Variants in GRIN2A observed in about 807,000 individuals in gnomAD.
GRIN2A encodes glutamate ionotropic receptor NMDA type subunit 2A, also known as glutamate receptor ionotropic, NMDA 2A.
Under a neutral mutation model 113.4 loss-of-function variants are expected in GRIN2A, and 22 were observed. The ratio of observed to expected loss-of-function variants is 0.19; its 90% CI spans 0.14 to 0.28. GRIN2A has a LOEUF of 0.28. Among genes scored for constraint, GRIN2A ranks in the 10% least tolerant of loss-of-function variants. The pLI, the probability that GRIN2A is intolerant of heterozygous loss-of-function variation, is 1.00. For synonymous variants in GRIN2A, 827 were observed against 738.4 expected (o/e 1.12, Z -1.94); for missense variants, 1,502 against 1,887.0 (o/e 0.80, Z 3.78).
At chr16:9,783,737 A>G (rs1233703388) in intron 11 of GRIN2A, among the ~76,000 whole-genome samples, 1 of 152,240 alleles carries the variant, frequency 6.6e-6, no homozygotes, top group African/African-American at 2.4e-5. Flanking sequence ...ATGGCAACTG[A>G]TATGTGTACT....
chr16:9,887,517 A>C (rs983732486), intron 4 of GRIN2A, among the ~76,000 whole-genome samples: 11 of 152,328 alleles, frequency 7.2e-5, no homozygotes, highest in African/African-American at 2.6e-4. Context: ...ATGTTGTTGT[A>C]CATATTACTA....
intron 3 of GRIN2A, among the ~76,000 whole-genome samples, chr16:9,922,813 G>T (rs1365728983): frequency 6.6e-6 from 1 of 151,956 alleles, no homozygotes; most frequent in Non-Finnish European, 1.5e-5. Context: ...AGATCTTTCA[G>T]TTATTAGATT....
At chr16:10,108,939 T>C (rs1162518237) in intron 2 of GRIN2A, among the ~76,000 whole-genome samples, 1 of 150,278 alleles carries the variant, frequency 6.7e-6, no homozygotes, top group African/African-American at 2.5e-5. Context: ...ACATCCTTTC[T>C]GAGAAGACAT....
At chr16:9,816,568 T>G (rs952098718) in intron 10 of GRIN2A, among the ~76,000 whole-genome samples, 2 of 152,200 alleles carry the variant, frequency 1.3e-5, no homozygotes, top group African/African-American at 4.8e-5. Context: ...GGACGTTGTT[T>G]AATTTAAATC....
intron 10 of GRIN2A, among the ~76,000 whole-genome samples, chr16:9,813,098 A>G (rs749385236): frequency 1.3e-5 from 2 of 152,228 alleles, no homozygotes; most frequent in African/African-American, 2.4e-5. Context: ...CGTATCAGCA[A>G]CCTTTTCAAA....
At chr16:10,061,454 A>G (rs1330841339) in intron 2 of GRIN2A, among the ~76,000 whole-genome samples, 8 of 152,190 alleles carry the variant, frequency 5.3e-5, no homozygotes, top group African/African-American at 1.9e-4. Flanking sequence ...ATGAATAGAG[A>G]TTCCTGAGAT....
chr16:9,887,297 C>A (rs2043603865), intron 4 of GRIN2A, among the ~76,000 whole-genome samples: 1 of 152,136 alleles, frequency 6.6e-6, no homozygotes, highest in Non-Finnish European at 1.5e-5. Context: ...AAATAACTGC[C>A]ATCACTCCAG....
chr16:10,181,209 A>ACG (rs945598176), intron 1 of GRIN2A, among the ~76,000 whole-genome samples: 1 of 49,208 alleles, frequency 2.0e-5, no homozygotes, highest in African/African-American at 6.6e-5. Context: ...GCACACACAC[A>ACG]CGCACACACA....
At chr16:10,038,649 C>T (rs1167163117) in intron 2 of GRIN2A, among the ~76,000 whole-genome samples, 6 of 151,812 alleles carry the variant, frequency 4.0e-5, no homozygotes, top group African/African-American at 1.2e-4. Context: ...AGAGATCATC[C>T]TGGCTAACAT....
chr16:10,159,505 C>T (rs1223829104), intron 2 of GRIN2A, among the ~76,000 whole-genome samples: 4 of 152,078 alleles, frequency 2.6e-5, no homozygotes, highest in Non-Finnish European at 5.9e-5. Context: ...GGAGGGCTCT[C>T]GCCTGTACAG....
chr16:9,932,580 AC>A (rs1289077347), intron 3 of GRIN2A, among the ~76,000 whole-genome samples: 1 of 151,254 alleles, frequency 6.6e-6, no homozygotes, highest in Admixed American at 6.6e-5. Flanking sequence ...ATAGGGTTTT[AC>A]CATGTGTTGG....
At chr16:10,129,615 G>C (rs1348381013) in intron 2 of GRIN2A, among the ~76,000 whole-genome samples, 1 of 152,184 alleles carries the variant, frequency 6.6e-6, no homozygotes, top group Non-Finnish European at 1.5e-5. Context: ...AGGTGAGTGT[G>C]AGGAATGTTC....
chr16:10,072,349 A>G (rs566256330), intron 2 of GRIN2A, among the ~76,000 whole-genome samples: 5 of 152,328 alleles, frequency 3.3e-5, no homozygotes, highest in African/African-American at 1.2e-4. Flanking sequence ...AATCCAGCTG[A>G]CCTGTGTGGG....
intron 6 of GRIN2A, 46 bp downstream of exon 6, chr16:9,840,890 G>A (rs750271182): frequency 6.2e-7 from 1 of 1,607,832 alleles, no homozygotes; most frequent in South Asian, 1.1e-5. Context: ...GAGGACTGCA[G>A]GCCCTTTGTC....
At chr16:9,812,080 G>A (rs2042096898) in intron 10 of GRIN2A, among the ~76,000 whole-genome samples, 1 of 152,106 alleles carries the variant, frequency 6.6e-6, no homozygotes, top group African/African-American at 2.4e-5. Flanking sequence ...ATTAGAAACG[G>A]CCTTAATTGT....
intron 4 of GRIN2A, among the ~76,000 whole-genome samples, chr16:9,858,998 T>TA (rs2043015242): frequency 6.6e-6 from 1 of 152,138 alleles, no homozygotes; most frequent in African/African-American, 2.4e-5. Flanking sequence ...AGCCACCTCC[T>TA]AAAAAACAAA....
At chr16:10,037,578 CTTCA>C (rs1422168676) in intron 2 of GRIN2A, among the ~76,000 whole-genome samples, 2 of 152,162 alleles carry the variant, frequency 1.3e-5, no homozygotes, top group South Asian at 2.1e-4. Context: ...ATTCAAGGGT[CTTCA>C]TTCATCTCCA....
In GRIN2A at chr16:9,758,845, A is replaced by G. The variant is rs79079877; in HGVS notation, c.*4304T>C. 6.8e-3 allele frequency: 1,469 copies of G among 216,116 alleles called. 8 individuals are homozygous for G. Among genetic ancestry groups the G allele is most frequent in the Non-Finnish European group, 0.01 (1,119 of 107,256 alleles). The allele number at this position is 216,116 out of a possible 1,614,324, so 13.4% of individuals were successfully genotyped here. A position where few individuals can be genotyped will look rare whatever the true frequency, so the allele number is the denominator to read the frequency against. On this transcript the variant is annotated 3_prime_UTR_variant, in exon 13 of 13. Coordinates refer to ENST00000330684, the MANE Select transcript of GRIN2A (RefSeq NM_001134407.3). The stretch of plus-strand genomic sequence containing the variant: ...CCTGTTCACCAAAAAGAGATGGGGT[A>G]TCTGGAAAGGTCTAATTTTGTCTCC...
intron 2 of GRIN2A, among the ~76,000 whole-genome samples, chr16:10,026,557 C>T (rs2046826391): frequency 6.6e-6 from 1 of 152,036 alleles, no homozygotes; most frequent in East Asian, 1.9e-4. Flanking sequence ...CTGATTTAAG[C>T]AGGGCATTAG....
Sources: gnomAD v4.1 joint callset for allele counts (sites outside exome capture counted in the v4.1 genomes callset) on GRCh38, gnomAD v4.1.1 for gene constraint, MANE v1.5 for transcripts, NCBI Gene and HGNC (gene_info 2026-07-23, HGNC 2026-07-21) for gene names.